The following DNAJC2 variants were observed in gnomAD, a reference collection of about 807,000 sequenced individuals.
DNAJC2 encodes the protein dnaJ homolog subfamily C member 2.
DNAJC2 carries 32 observed loss-of-function variants against 94.0 expected under a neutral mutation model. The ratio of observed to expected loss-of-function variants is 0.34; its 90% CI spans 0.26 to 0.46. The LOEUF (loss-of-function observed/expected upper bound fraction) is 0.46, where lower values mean the gene tolerates loss of function less well. Ranked by LOEUF, DNAJC2 falls within the 20% of genes least tolerant of loss-of-function variation. The probability of loss-of-function intolerance (pLI) is 1.00; values close to 1 mark genes in which losing one functional copy is unlikely to be tolerated. For synonymous variants in DNAJC2, 210 were observed against 229.7 expected (o/e 0.91, Z 0.77); for missense variants, 550 against 719.5 (o/e 0.76, Z 2.69).
At position 103,342,078 on chromosome 7, in the gene DNAJC2, C is replaced by T. The variant is rs117860223; in HGVS notation, c.65-124G>A. ...TACCAGCATATACTTTTAAAACCAC[C>T]GACTACGAAAATAATTGCAGTCATC... On this transcript the variant is annotated intron_variant, in intron 1 of 16. Transcript: ENST00000379263. 32 of 630,288 alleles carry T rather than the reference C, an allele frequency of 5.1e-5. No homozygotes were observed. In the South Asian group the frequency reaches 9.0e-4, roughly 18 times the overall value. The allele number at this position is 630,288 out of a possible 1,614,324, so 39.0% of individuals were successfully genotyped here. A position where few individuals can be genotyped will look rare whatever the true frequency, so the allele number is the denominator to read the frequency against.
At chr7:103,321,416 G>T (rs775771293) in intron 10 of DNAJC2, among the ~76,000 whole-genome samples, 1 of 151,988 alleles carries the variant, frequency 6.6e-6, no homozygotes, top group African/African-American at 2.4e-5. Flanking sequence ...TACTCAGGAG[G>T]CTGAGGCAGG....
At chr7:103,328,042 T>A (rs1030261613) in intron 3 of DNAJC2, among the ~76,000 whole-genome samples, 1 of 152,076 alleles carries the variant, frequency 6.6e-6, no homozygotes, top group African/African-American at 2.4e-5. Context: ...TGCCTCAGCC[T>A]CTGGAGTAAC....
At chr7:103,317,096 T>C in intron 12 of DNAJC2, 82 bp from the exon 13 acceptor site, 1 of 1,197,680 alleles carries the variant, frequency 8.3e-7, no homozygotes, top group Non-Finnish European at 1.2e-6. Flanking sequence ...GGCTTTGTGG[T>C]CCTCAACTCT....
chr7:103,332,982 T>C (rs1449480262), intron 3 of DNAJC2, among the ~76,000 whole-genome samples: 1 of 152,136 alleles, frequency 6.6e-6, no homozygotes, highest in Non-Finnish European at 1.5e-5. Context: ...GGACCAAAAG[T>C]GTTCGGGATT....
At chr7:103,325,521 C>A (rs1818660128) in intron 5 of DNAJC2, among the ~76,000 whole-genome samples, 1 of 151,330 alleles carries the variant, frequency 6.6e-6, no homozygotes, top group Non-Finnish European at 1.5e-5. Flanking sequence ...TGGCGCCAAA[C>A]CGCTAATCAA....
chr7:103,329,766 A>G (rs1818890164), intron 3 of DNAJC2, among the ~76,000 whole-genome samples: 1 of 152,290 alleles, frequency 6.6e-6, no homozygotes, highest in Non-Finnish European at 1.5e-5. Flanking sequence ...ACAGCTTTCT[A>G]ATATATTTGA....
chr7:103,313,745 TA>T, intron 15 of DNAJC2: 1 of 985,280 alleles, frequency 1.0e-6, no homozygotes, highest in South Asian at 4.7e-5. Context: ...AAACCTTGTA[TA>T]TTTCAGAAAA....
Position 103,341,963 on chromosome 7 carries a change from G to GA in DNAJC2, c.65-10dup. 6.4e-7 allele frequency: 1 copy of GA among 1,556,160 alleles called. No homozygotes were observed. The highest frequency in any genetic ancestry group is 8.7e-7 in the Non-Finnish European group (1 of 1,153,702). ...TTGACAGAGTGTAGAGGCTGTGATT[G>GA]AAAGTGTTAAGAGAGGCTTCAGTGT... On this transcript the variant is annotated splice_polypyrimidine_tract_variant and intron_variant, in intron 1 of 16. Transcript: ENST00000379263.
chr7:103,332,171 AT>A (rs1315460647), intron 3 of DNAJC2, among the ~76,000 whole-genome samples: 5 of 151,766 alleles, frequency 3.3e-5, no homozygotes, highest in East Asian at 3.9e-4. Flanking sequence ...CGCCTGCCTA[AT>A]TTTTTTGTAT....
At chr7:103,344,520 G>A (rs1819522009) in intron 1 of DNAJC2, 39 bp downstream of exon 1, 1 of 1,611,038 alleles carries the variant, frequency 6.2e-7, no homozygotes. Context: ...GGCAGGGGCA[G>A]CTGAGGTGAG....
intron 3 of DNAJC2, among the ~76,000 whole-genome samples, chr7:103,332,549 T>A (rs1819018545): frequency 4.6e-5 from 7 of 152,200 alleles, no homozygotes; most frequent in Admixed American, 4.6e-4. Context: ...CTTGAAACAA[T>A]TCACCTGAAA....
chr7:103,314,500 C>G (rs932870725), intron 15 of DNAJC2: 20 of 985,260 alleles, frequency 2.0e-5, no homozygotes, highest in Non-Finnish European at 2.3e-5. Context: ...CAGGGCCCAC[C>G]TCCCTCCAAC....
In DNAJC2 at chr7:103,312,508, GAATGAA is replaced by G; in HGVS notation, c.*55_*60del. 2 of 1,580,536 alleles carry G rather than the reference GAATGAA, an allele frequency of 1.3e-6. No individual in the cohort carries two copies. Among genetic ancestry groups the G allele is most frequent in the East Asian group, 4.5e-5 (2 of 44,552 alleles). ...ATTATTACCATGAGTATAATTTTAA[GAATGAA>G]AATGTTTACAGTATTTTCAGTTTTA... On this transcript the variant is annotated 3_prime_UTR_variant, in exon 17 of 17. Coordinates refer to ENST00000379263, the MANE Select transcript of DNAJC2 (RefSeq NM_014377.3).
rs770016157 is a variant in DNAJC2, at chr7:103,326,728, A to AT, written c.431-45dup. ...AGATCACATCACCATAACTTTACCTATTTTTTCCTGCAAGAAAACAAGTAT... is the reference window on the plus strand; with the variant it reads ...AGATCACATCACCATAACTTTACCTATTTTTTTCCTGCAAGAAAACAAGTAT... On this transcript the variant is annotated intron_variant, in intron 4 of 16. Transcript: ENST00000379263. 5 of 1,540,856 alleles carry AT rather than the reference A, an allele frequency of 3.2e-6. No individual in the cohort carries two copies. The South Asian group carries it at 4.9e-5, about 15-fold the overall frequency.
chr7:103,344,660 A>C lies in DNAJC2; in HGVS notation c.-38T>G, dbSNP rs1819532863. On this transcript the variant is annotated 5_prime_UTR_variant, in exon 1 of 17. Transcript: ENST00000379263. ...TCTAGCCCGGTGGGCGCAGCGGCTCACGTCCCGGGCGGAGGGCGCTTAGGG... is the reference window on the plus strand; with the variant it reads ...TCTAGCCCGGTGGGCGCAGCGGCTCCCGTCCCGGGCGGAGGGCGCTTAGGG... 3 of 1,600,110 alleles carry C rather than the reference A, an allele frequency of 1.9e-6. No individual in the cohort carries two copies. The East Asian group carries it at 6.7e-5, about 36-fold the overall frequency.
chr7:103,313,703 C>T, intron 15 of DNAJC2: 1 of 985,390 alleles, frequency 1.0e-6, no homozygotes, highest in Non-Finnish European at 1.2e-6. Flanking sequence ...ATGCTGAACA[C>T]TTCCAATAAC....
In DNAJC2 at chr7:103,344,665, C is replaced by T; in HGVS notation, c.-43G>A. On this transcript the variant is annotated 5_prime_UTR_variant, in exon 1 of 17. Transcript: ENST00000379263. The stretch of plus-strand genomic sequence containing the variant: ...CCCGGTGGGCGCAGCGGCTCACGTC[C>T]CGGGCGGAGGGCGCTTAGGGTCCCC... 1.3e-6 allele frequency: 2 copies of T among 1,597,670 alleles called. No individual in the cohort carries two copies. Among genetic ancestry groups the T allele is most frequent in the Non-Finnish European group, 8.5e-7 (1 of 1,176,486 alleles).
intron 3 of DNAJC2, among the ~76,000 whole-genome samples, chr7:103,332,874 T>G (rs897846257): frequency 2.0e-5 from 3 of 152,222 alleles, no homozygotes; most frequent in African/African-American, 7.2e-5. Flanking sequence ...TCCACCCACC[T>G]CAGCCTTCTA....
intron 3 of DNAJC2, among the ~76,000 whole-genome samples, chr7:103,334,678 G>A (rs535752172): frequency 6.6e-6 from 1 of 151,452 alleles, no homozygotes; most frequent in Non-Finnish European, 1.5e-5. Context: ...GAACTCCTGA[G>A]CTCAAGTGAT....
Sources: allele counts gnomAD v4.1 joint callset (sites outside exome capture counted in the v4.1 genomes callset), GRCh38; gene constraint gnomAD v4.1.1; transcripts MANE v1.5; gene names NCBI Gene and HGNC (gene_info 2026-07-23, HGNC 2026-07-21).